The following TNNT3 variants were observed in gnomAD, a reference collection of about 807,000 sequenced individuals.
TNNT3 encodes troponin T, fast skeletal muscle.
A neutral mutation model predicts 54.2 loss-of-function variants in TNNT3; 36 were observed. The ratio of observed to expected loss-of-function variants is 0.66; its 90% CI spans 0.51 to 0.88. The LOEUF is 0.88. Among genes scored for constraint, TNNT3 ranks in the 40% least tolerant of loss-of-function variants. TNNT3 has a pLI of 0.00. For synonymous variants in TNNT3, 120 were observed against 109.7 expected (o/e 1.09, Z -0.59); for missense variants, 291 against 331.6 (o/e 0.88, Z 0.95).
rs754590021 is a variant in TNNT3, at chr11:1,934,535, G to A, written c.481-11G>A. The A allele has an allele frequency of 2.5e-6, 4 of 1,607,528 alleles. No homozygotes were observed. The highest frequency in any genetic ancestry group is 1.3e-5 in the African/African-American group (1 of 74,874). On this transcript the variant is annotated splice_polypyrimidine_tract_variant and intron_variant, in intron 12 of 15. Transcript: ENST00000278317. ...AGACCAGGCCCCTCTCTTTGGGCCTGTCCGCTGCAGGCTGACCAGAAGAGA... is the reference window on the plus strand; with the variant it reads ...AGACCAGGCCCCTCTCTTTGGGCCTATCCGCTGCAGGCTGACCAGAAGAGA...
Position 1,938,631 on chromosome 11 carries a change from G to A in TNNT3, c.*139G>A, listed in dbSNP as rs771391024. 2.6e-5 allele frequency: 23 copies of A among 876,258 alleles called. No homozygotes were observed. In the South Asian group the frequency reaches 2.7e-4, roughly 10 times the overall value. 54.3% of individuals were successfully genotyped at this position (876,258 alleles called of 1,614,324 possible). A position where few individuals can be genotyped will look rare whatever the true frequency, so the allele number is the denominator to read the frequency against. On this transcript the variant is annotated 3_prime_UTR_variant, in exon 16 of 16. Coordinates refer to ENST00000278317, the MANE Select transcript of TNNT3 (RefSeq NM_006757.4). ...GTCCTGGGGGTGGAGAGGCCATCCCGGGGCGTCCCCCGCGTCTGTGTCCTT... is the reference window on the plus strand; with the variant it reads ...GTCCTGGGGGTGGAGAGGCCATCCCAGGGCGTCCCCCGCGTCTGTGTCCTT...
At chr11:1,936,196 C>A (rs781272990) in intron 14 of TNNT3, 3 of 1,613,714 alleles carry the variant, frequency 1.9e-6, no homozygotes, top group Non-Finnish European at 2.5e-6. Flanking sequence ...AGCCTTGTAA[C>A]CATCTTGGTC....
chr11:1,937,016 GC>G lies in TNNT3; in HGVS notation c.722+15del, dbSNP rs776008656. On this transcript the variant is annotated intron_variant, in intron 15 of 15. Transcript: ENST00000278317. Reference sequence around the variant, plus strand: ...AGGCCCAGAAGCAGTGAGTAGCCCTGCCGTCCTCGCTCCGCACTGGGCACAG... The same window carrying G: ...AGGCCCAGAAGCAGTGAGTAGCCCTGCGTCCTCGCTCCGCACTGGGCACAG... 1 of 1,591,022 alleles carries G rather than the reference GC, an allele frequency of 6.3e-7. No homozygotes were observed. Among genetic ancestry groups the G allele is most frequent in the Non-Finnish European group, 8.5e-7 (1 of 1,170,744 alleles).
Position 1,934,591 on chromosome 11 carries a change from AAG to A in TNNT3, c.528_529del (p.Lys177AspfsTer4). 6.2e-7 allele frequency: 1 copy of A among 1,610,148 alleles called. No homozygotes were observed. The highest frequency in any genetic ancestry group is 1.3e-5 in the African/African-American group (1 of 74,926). On this transcript the variant is annotated frameshift_variant, in exon 13 of 16. Transcript: ENST00000278317. LOFTEE classifies it high-confidence loss of function. ...GKKQTAREMK[K>X]KILAERRKPL... ...GAAGCAGACAGCCCGGGAAATGAAG[AAG>A]AAGATTCTGGCTGAGAGACGCAAGC...
chr11:1,934,723 C>T, intron 13 of TNNT3, 68 bp downstream of exon 13: 10 of 1,596,666 alleles, frequency 6.3e-6, no homozygotes, highest in South Asian at 1.1e-5. Context: ...GACTGCTCCT[C>T]AGGCTGCCAA....
intron 13 of TNNT3, 61 bp from the exon 14 acceptor site, chr11:1,934,768 A>T: frequency 6.2e-7 from 1 of 1,600,998 alleles, no homozygotes; most frequent in South Asian, 1.1e-5. Context: ...GGAGGACTCC[A>T]GGGGCCTGGC....
Position 1,934,482 on chromosome 11 carries a change from A to T in TNNT3, c.480+37A>T, listed in dbSNP as rs1286485508. 2.5e-6 allele frequency: 4 copies of T among 1,609,938 alleles called. No individual in the cohort carries two copies. The African/African-American group carries it at 5.3e-5, about 21-fold the overall frequency. ...TGCTGGGAGCACGGTGGTAGCCTTC[A>T]GTGTGGGCTACGCCCTGTGCCCTCC... On this transcript the variant is annotated intron_variant, in intron 12 of 15. Transcript: ENST00000278317.
At chr11:1,924,904 G>T in intron 4 of TNNT3, 195 bp from the exon 5 acceptor site, 1 of 687,128 alleles carries the variant, frequency 1.5e-6, no homozygotes, top group South Asian at 1.6e-5. Context: ...GCTGGTGGGA[G>T]TCCGTGCTCC....
intron 14 of TNNT3, 194 bp downstream of exon 14, chr11:1,935,113 T>A: frequency 1.5e-6 from 1 of 655,388 alleles, no homozygotes; most frequent in Non-Finnish European, 2.8e-6. Context: ...CCAGAGCCCG[T>A]CCTCCTGGCT....
chr11:1,926,475 GA>G (rs773918171), intron 5 of TNNT3: 12 of 1,613,122 alleles, frequency 7.4e-6, no homozygotes, highest in Non-Finnish European at 9.3e-6. Flanking sequence ...TGAAGTTCAT[GA>G]ACCAGGTACG....
intron 5 of TNNT3, 99 bp from the exon 6 acceptor site, chr11:1,926,596 C>T (rs1851665622): frequency 4.4e-6 from 7 of 1,608,208 alleles, no homozygotes; most frequent in Non-Finnish European, 6.0e-6. Context: ...GCTCGCTCCG[C>T]CGCCTCGGCC....
chr11:1,935,129 T>C, intron 14 of TNNT3: 1 of 646,074 alleles, frequency 1.5e-6, no homozygotes, highest in Non-Finnish European at 2.8e-6. Context: ...TGGCTGGCCA[T>C]GCAGCGCCCT....
intron 1 of TNNT3, chr11:1,921,285 G>C (rs554130278): frequency 6.6e-6 from 1 of 152,254 alleles, no homozygotes; most frequent in East Asian, 1.9e-4. Flanking sequence ...TGTCTGCCCC[G>C]CCAGCGTCGG....
rs1224292636 is a variant in TNNT3, at chr11:1,934,888, T to C, written c.650T>C (p.Phe217Ser). Residue 217 changes from phenylalanine to serine, a missense_variant, in exon 14 of 16, where the codon TTT becomes TCT. Transcript: ENST00000278317. ...LHQLEIDKFE[F>S]GEKLKRQKYD... is the part of the protein sequence containing the mutation. ...CAGCTGGAGATTGACAAGTTCGAGTTTGGGGAGAAGCTGAAACGCCAGAAA... is the reference window on the plus strand; with the variant it reads ...CAGCTGGAGATTGACAAGTTCGAGTCTGGGGAGAAGCTGAAACGCCAGAAA... The C allele has an allele frequency of 6.2e-7, 1 of 1,613,588 alleles. No homozygotes were observed. The highest frequency in any genetic ancestry group is 8.5e-7 in the Non-Finnish European group (1 of 1,180,012).
intron 11 of TNNT3, 66 bp downstream of exon 11, chr11:1,934,074 G>A: frequency 2.0e-6 from 3 of 1,511,902 alleles, no homozygotes; most frequent in East Asian, 2.3e-5. Context: ...AAATGCAGGG[G>A]GCTGAGGCCT....
chr11:1,926,365 C>T (rs1007227875), intron 5 of TNNT3: 94 of 1,439,278 alleles, frequency 6.5e-5, no homozygotes, highest in Middle Eastern at 3.5e-4. Flanking sequence ...ACCCCACCCT[C>T]GGCCTCGAGT....
intron 14 of TNNT3, chr11:1,935,258 T>G: frequency 5.1e-6 from 2 of 392,106 alleles, no homozygotes; most frequent in Non-Finnish European, 9.7e-6. Flanking sequence ...TTTAAGCTTA[T>G]AGAAAGTCCC....
At chr11:1,936,161 G>A (rs936304649) in intron 14 of TNNT3, 6 of 1,609,384 alleles carry the variant, frequency 3.7e-6, no homozygotes, top group Admixed American at 1.7e-5. Flanking sequence ...CCACAGCCGG[G>A]CCTCGATGCC....
rs796244101 is a variant in TNNT3, at chr11:1,934,174, C to T, written c.367-158C>T. On this transcript the variant is annotated intron_variant, in intron 11 of 15. Transcript: ENST00000278317. ...CCCTGCAGAACCCCTTGCCAGAAAA[C>T]AAATCCTGGCCAAGACCTGGAGCTT... Among the ~76,000 whole-genome samples, 20 of 152,372 alleles carry T rather than the reference C, an allele frequency of 1.3e-4. 2 individuals are homozygous for T. Among genetic ancestry groups the T allele is most frequent in the African/African-American group, 4.6e-4 (19 of 41,588 alleles).
Sources: allele counts gnomAD v4.1 joint callset (sites outside exome capture counted in the v4.1 genomes callset), GRCh38; gene constraint gnomAD v4.1.1; transcripts MANE v1.5; gene names NCBI Gene and HGNC (gene_info 2026-07-23, HGNC 2026-07-21).